SAMD12: variants seen among roughly 807,000 people sequenced by gnomAD.
SAMD12 encodes the protein sterile alpha motif domain containing 12, also known as sterile alpha motif domain-containing protein 12.
Under a neutral mutation model 15.0 loss-of-function variants are expected in SAMD12, and 9 were observed. The ratio of observed to expected loss-of-function variants is 0.60; its 90% confidence interval spans 0.36 to 1.05. The LOEUF is 1.05. Among genes scored for constraint, SAMD12 ranks in the 50% least tolerant of loss-of-function variants. The probability of loss-of-function intolerance (pLI) is 0.01; values close to 1 mark genes in which losing one functional copy is unlikely to be tolerated. For synonymous variants in SAMD12, 86 were observed against 90.1 expected (o/e 0.96, Z 0.25); for missense variants, 230 against 234.2 (o/e 0.98, Z 0.12).
intron 4 of SAMD12, among the ~76,000 whole-genome samples, chr8:118,321,140 AATAAAT>A (rs1563761391): frequency 5.1e-5 from 4 of 78,734 alleles, no homozygotes; most frequent in East Asian, 6.0e-4. Context: ...TATCATAGAT[AATAAAT>A]ATATATATAT....
chr8:118,286,600 T>A (rs1814036339), intron 4 of SAMD12, among the ~76,000 whole-genome samples: 1 of 152,174 alleles, frequency 6.6e-6, no homozygotes, highest in South Asian at 2.1e-4. Context: ...ACTGGCAGGG[T>A]TCTCCATGCT....
intron 3 of SAMD12, among the ~76,000 whole-genome samples, chr8:118,408,416 A>G (rs2130806075): frequency 6.6e-6 from 1 of 152,254 alleles, no homozygotes; most frequent in South Asian, 2.1e-4. Context: ...CAGGATCATC[A>G]GCCTCCATAT....
intron 2 of SAMD12, among the ~76,000 whole-genome samples, chr8:118,556,554 T>C (rs1408715672): frequency 2.0e-5 from 3 of 152,220 alleles, no homozygotes; most frequent in Admixed American, 1.3e-4. Context: ...TGAATTGCAA[T>C]TGTCAATATA....
chr8:118,473,033 A>G (rs888718481), intron 2 of SAMD12, among the ~76,000 whole-genome samples: 16 of 152,140 alleles, frequency 1.1e-4, no homozygotes, highest in African/African-American at 3.9e-4. Context: ...TTGCTCTCCT[A>G]CTTCCAGTGG....
chr8:118,424,636 G>C (rs552287078), intron 3 of SAMD12, among the ~76,000 whole-genome samples: 30 of 152,084 alleles, frequency 2.0e-4, no homozygotes, highest in Non-Finnish European at 3.8e-4. Flanking sequence ...GGAACATGGG[G>C]GATCAAACGT....
chr8:118,572,634 T>C (rs1336127044), intron 2 of SAMD12, among the ~76,000 whole-genome samples: 1 of 152,146 alleles, frequency 6.6e-6, no homozygotes, highest in Non-Finnish European at 1.5e-5. Flanking sequence ...CAAGCTCTCT[T>C]TGCCTGCTGC....
At chr8:118,452,847 CCAACTT>C (rs1352958095) in intron 2 of SAMD12, among the ~76,000 whole-genome samples, 1 of 152,208 alleles carries the variant, frequency 6.6e-6, no homozygotes, top group African/African-American at 2.4e-5. Context: ...TCTCCCTTCT[CCAACTT>C]CAGGTGCAAT....
At chr8:118,159,407 A>G in the SAMD12 span, among the ~76,000 whole-genome samples, 17 of 152,088 alleles carry the variant, frequency 1.1e-4, no homozygotes, top group Non-Finnish European at 2.1e-4. Context: ...ACTCTCTAAC[A>G]CACCTCTCAC....
intron 2 of SAMD12, among the ~76,000 whole-genome samples, chr8:118,446,662 G>T (rs1031181525): frequency 6.6e-6 from 1 of 152,080 alleles, no homozygotes; most frequent in Non-Finnish European, 1.5e-5. Context: ...GCTTCAAAAC[G>T]TACTTTCATA....
At chr8:118,407,959 C>T (rs749480697) in intron 3 of SAMD12, among the ~76,000 whole-genome samples, 1 of 152,144 alleles carries the variant, frequency 6.6e-6, no homozygotes, top group South Asian at 2.1e-4. Flanking sequence ...CTCTGGACTT[C>T]GTTCTCACTG....
intron 2 of SAMD12, among the ~76,000 whole-genome samples, chr8:118,554,738 C>G (rs1397229558): frequency 6.6e-6 from 1 of 151,860 alleles, no homozygotes; most frequent in Admixed American, 6.6e-5. Context: ...GCAGATTACC[C>G]TTTATGATAT....
intron 4 of SAMD12, among the ~76,000 whole-genome samples, chr8:118,372,917 C>G (rs988657388): frequency 1.2e-4 from 19 of 152,108 alleles, no homozygotes; most frequent in African/African-American, 4.6e-4. Context: ...AAGTCAGACA[C>G]TATGACTCCA....
At chr8:118,352,435 C>G (rs1818002485) in intron 4 of SAMD12, among the ~76,000 whole-genome samples, 1 of 151,982 alleles carries the variant, frequency 6.6e-6, no homozygotes, top group African/African-American at 2.4e-5. Context: ...AGAGCACACA[C>G]AACTGGCTAT....
At chr8:118,290,676 AT>A (rs1441306098) in intron 4 of SAMD12, among the ~76,000 whole-genome samples, 2 of 152,200 alleles carry the variant, frequency 1.3e-5, no homozygotes, top group Non-Finnish European at 2.9e-5. Context: ...TTAGTGATAA[AT>A]CAAGTTAATT....
At chr8:118,181,777 G>A in the SAMD12 span, among the ~76,000 whole-genome samples, 263 of 152,286 alleles carry the variant, frequency 1.7e-3, no homozygotes, top group Admixed American at 4.1e-3. Flanking sequence ...ACTAGCAGCC[G>A]AAAGAGTCCT....
chr8:118,619,996 G>C (rs1828351476), intron 1 of SAMD12, among the ~76,000 whole-genome samples: 1 of 152,108 alleles, frequency 6.6e-6, no homozygotes, highest in South Asian at 2.1e-4. Context: ...TCAAACTCAG[G>C]ATCTCCTGTT....
rs537767435 is a variant in SAMD12, at chr8:118,574,767, G to T, written c.192+5948C>A. 6.6e-5 allele frequency among the ~76,000 whole-genome samples: 10 copies of T among 152,220 alleles called. No individual in the cohort carries two copies. The South Asian group carries it at 1.7e-3, about 25-fold the overall frequency. On this transcript the variant is annotated intron_variant, in intron 2 of 3. Transcript: ENST00000314727. ...TTGTCTCTTGTTCTGACCCTTATGAGAATTCTTAAGAAGTACATCCTCATT... is the reference window on the plus strand; with the variant it reads ...TTGTCTCTTGTTCTGACCCTTATGATAATTCTTAAGAAGTACATCCTCATT...
chr8:118,467,725 G>C (rs1823638167), intron 2 of SAMD12, among the ~76,000 whole-genome samples: 1 of 152,188 alleles, frequency 6.6e-6, no homozygotes, highest in Non-Finnish European at 1.5e-5. Flanking sequence ...GTAAGGATCT[G>C]TTTGAATCCT....
Position 118,379,813 on chromosome 8 carries a change from A to G in SAMD12, c.323-113T>C, listed in dbSNP as rs16890920. The G allele has an allele frequency of 2.2e-3, 2,924 of 1,314,444 alleles. 54 individuals are homozygous for G. In the African/African-American group the frequency reaches 0.038, roughly 17 times the overall value. The allele number at this position is 1,314,444 out of a possible 1,614,324, so 81.4% of individuals were successfully genotyped here. A position where few individuals can be genotyped will look rare whatever the true frequency, so the allele number is the denominator to read the frequency against. On this transcript the variant is annotated intron_variant, in intron 3 of 3. Coordinates refer to ENST00000314727, the MANE Select transcript of SAMD12 (RefSeq NM_207506.3). ...CACAGAAGTTTCTACCTAAACACAG[A>G]CATTTTAGAATAAAGGTCTTCCATT...
Sources: gnomAD v4.1 joint callset for allele counts (sites outside exome capture counted in the v4.1 genomes callset) on GRCh38, gnomAD v4.1.1 for gene constraint, MANE v1.5 for transcripts, NCBI Gene and HGNC (gene_info 2026-07-23, HGNC 2026-07-21) for gene names.